The following PDE3A variants were observed in gnomAD, a reference collection of about 807,000 sequenced individuals.
The protein encoded by PDE3A is phosphodiesterase 3A.
In PDE3A, 43 loss-of-function variants were observed where a neutral mutation model predicts 98.3. That is an observed-to-expected ratio of 0.44 (90% confidence interval 0.34 to 0.56). PDE3A has a LOEUF of 0.56. PDE3A is among the 20% of genes least tolerant of loss of function. The pLI, the probability that PDE3A is intolerant of heterozygous loss-of-function variation, is 0.01. For missense variants in PDE3A, 1,427 were observed against 1,440.7 expected (o/e 0.99, Z 0.15); for synonymous variants, 663 against 567.9 (o/e 1.17, Z -2.38).
At chr12:20,658,547 A>C (rs937680014) in intron 15 of PDE3A, among the ~76,000 whole-genome samples, 2 of 152,220 alleles carry the variant, frequency 1.3e-5, no homozygotes, top group East Asian at 1.9e-4. Context: ...TTGAAGCAAA[A>C]GGTGGGAGAA....
Position 20,407,865 on chromosome 12 carries a change from T to C in PDE3A, c.960+37621T>C, listed in dbSNP as rs1288684784. On this transcript the variant is annotated intron_variant, in intron 1 of 15. Coordinates refer to ENST00000359062, the MANE Select transcript of PDE3A (RefSeq NM_000921.5). ...TTAATTTTTTTGTTTTTGTTGAATG[T>C]CATTGTTTCAGACTTCTCTTGTACT... Among the ~76,000 whole-genome samples, 5 of 152,160 alleles carry C rather than the reference T, an allele frequency of 3.3e-5. No homozygotes were observed. In the East Asian group the frequency reaches 7.7e-4, roughly 23 times the overall value.
chr12:20,401,741 C>T (rs761760407), intron 1 of PDE3A, among the ~76,000 whole-genome samples: 1 of 152,166 alleles, frequency 6.6e-6, no homozygotes, highest in Non-Finnish European at 1.5e-5. Flanking sequence ...ACGGCACTTA[C>T]ATTCTCCGTC....
intron 2 of PDE3A, among the ~76,000 whole-genome samples, chr12:20,602,312 T>G (rs1027321989): frequency 2.0e-5 from 3 of 152,212 alleles, no homozygotes; most frequent in Non-Finnish European, 2.9e-5. Context: ...AGATGCGGGT[T>G]CTTACTAGAG....
intron 15 of PDE3A, among the ~76,000 whole-genome samples, chr12:20,665,591 AT>A (rs1041048266): frequency 4.5e-4 from 69 of 151,946 alleles, no homozygotes; most frequent in Admixed American, 1.0e-3. Context: ...ATTTGAGTTT[AT>A]TTTTTTTAAG....
intron 1 of PDE3A, among the ~76,000 whole-genome samples, chr12:20,461,254 A>AAG (rs1945244930): frequency 6.6e-6 from 1 of 151,390 alleles, no homozygotes; most frequent in South Asian, 2.1e-4. Flanking sequence ...AAAAAAAAAA[A>AAG]AAGAGGATCT....
intron 1 of PDE3A, 132 bp from the exon 2 acceptor site, chr12:20,556,524 GTTAA>G: frequency 1.6e-6 from 1 of 642,390 alleles, no homozygotes; most frequent in Non-Finnish European, 2.8e-6. Flanking sequence ...ATTTAGGTAT[GTTAA>G]TTTATTCATG....
intron 1 of PDE3A, among the ~76,000 whole-genome samples, chr12:20,483,637 T>C (rs1278243037): frequency 2.0e-5 from 3 of 152,226 alleles, no homozygotes; most frequent in African/African-American, 7.2e-5. Flanking sequence ...TATTTCCTTA[T>C]ATTACTCTGT....
chr12:20,459,769 C>T (rs1182733181), intron 1 of PDE3A, among the ~76,000 whole-genome samples: 4 of 151,994 alleles, frequency 2.6e-5, no homozygotes, highest in Non-Finnish European at 5.9e-5. Context: ...CAGTAGGGCC[C>T]GCTCAGAAAA....
chr12:20,414,907 A>G (rs1244541828), intron 1 of PDE3A, among the ~76,000 whole-genome samples: 2 of 152,068 alleles, frequency 1.3e-5, no homozygotes, highest in Admixed American at 6.6e-5. Flanking sequence ...ATAAACCACT[A>G]TTAGACCTAA....
chr12:20,634,324 C>T (rs147841961), intron 7 of PDE3A, among the ~76,000 whole-genome samples: 41 of 152,282 alleles, frequency 2.7e-4, no homozygotes, highest in Admixed American at 4.6e-4. Context: ...AGAGGATAGA[C>T]TTCAGACTCT....
Position 20,669,346 on chromosome 12 carries a change from GAAC to G in PDE3A, c.3185-10682_3185-10680del, listed in dbSNP as rs1321291410. On this transcript the variant is annotated intron_variant, in intron 15 of 15. Coordinates refer to ENST00000359062, the MANE Select transcript of PDE3A (RefSeq NM_000921.5). ...AACGTTCAGATTCAGGAAATACAGA[GAAC>G]ACCACAAAGATACTCCTCAAGAAGA... Among the ~76,000 whole-genome samples the G allele has an allele frequency of 3.9e-5, 6 of 152,014 alleles. No individual in the cohort carries two copies. The East Asian group carries it at 9.7e-4, about 25-fold the overall frequency.
At chr12:20,670,564 G>T (rs181101551) in intron 15 of PDE3A, among the ~76,000 whole-genome samples, 1 of 152,006 alleles carries the variant, frequency 6.6e-6, no homozygotes, top group South Asian at 2.1e-4. Flanking sequence ...CTGCTCAACT[G>T]CATGGAAACT....
At chr12:20,371,418 G>A (rs1943473317) in intron 1 of PDE3A, 1 of 981,992 alleles carries the variant, frequency 1.0e-6, no homozygotes, top group African/African-American at 1.7e-5. Flanking sequence ...TTAAATTAAT[G>A]CCTACCTGTG....
chr12:20,583,095 G>T (rs1943109043), intron 2 of PDE3A, among the ~76,000 whole-genome samples: 1 of 151,980 alleles, frequency 6.6e-6, no homozygotes, highest in Admixed American at 6.6e-5. Flanking sequence ...CAGAAACCTG[G>T]TTAGCTGGTT....
intron 6 of PDE3A, among the ~76,000 whole-genome samples, chr12:20,631,515 T>C (rs898776761): frequency 6.6e-6 from 1 of 152,170 alleles, no homozygotes; most frequent in South Asian, 2.1e-4. Flanking sequence ...ATTGTTTTAT[T>C]GTATGCACCC....
At chr12:20,458,139 C>T (rs1274924234) in intron 1 of PDE3A, among the ~76,000 whole-genome samples, 1 of 150,852 alleles carries the variant, frequency 6.6e-6, no homozygotes, top group East Asian at 1.9e-4. Flanking sequence ...ATTTATAAAG[C>T]AGTTAGCTGT....
intron 1 of PDE3A, among the ~76,000 whole-genome samples, chr12:20,467,664 C>T (rs1034015901): frequency 1.3e-5 from 2 of 151,876 alleles, no homozygotes; most frequent in African/African-American, 2.4e-5. Context: ...GGGCCGGGCA[C>T]GGTGGCTCCT....
intron 14 of PDE3A, among the ~76,000 whole-genome samples, chr12:20,652,331 G>T (rs1012674670): frequency 3.3e-5 from 5 of 152,162 alleles, no homozygotes; most frequent in African/African-American, 1.2e-4. Context: ...CTAGATCCCT[G>T]AGGAATAGCC....
In PDE3A at chr12:20,552,418, C is replaced by G. The variant is rs1301791332; in HGVS notation, c.961-4242C>G. On this transcript the variant is annotated intron_variant, in intron 1 of 15. Transcript: ENST00000359062. The surrounding 1 kb of genome is among the most constrained non-coding windows in gnomAD (Gnocchi z 5.1). ...CCCTTGGACGAAGGAGGGGAAGGAC[C>G]GGATCAAGAAGCTGGGGCTGACCAT... 2 of 1,612,746 alleles carry G rather than the reference C, an allele frequency of 1.2e-6. No homozygotes were observed. Among genetic ancestry groups the G allele is most frequent in the Admixed American group, 1.7e-5 (1 of 59,956 alleles).
Sources: gnomAD v4.1 joint callset for allele counts (sites outside exome capture counted in the v4.1 genomes callset) on GRCh38, gnomAD v4.1.1 for gene constraint, Gnocchi (gnomAD v3.1) non-coding constraint, MANE v1.5 for transcripts, NCBI Gene and HGNC (gene_info 2026-07-23, HGNC 2026-07-21) for gene names.